Variants in TAF3 observed in about 807,000 individuals in gnomAD.
The protein encoded by TAF3 is transcription initiation factor TFIID subunit 3.
Under a neutral mutation model 80.6 loss-of-function variants are expected in TAF3, and 7 were observed. That is an observed-to-expected ratio of 0.09 (90% CI 0.05 to 0.16). The LOEUF (loss-of-function observed/expected upper bound fraction) is 0.16, where lower values mean the gene tolerates loss of function less well. Ranked by LOEUF, TAF3 falls within the 10% of genes least tolerant of loss-of-function variation. The pLI is 1.00. For synonymous variants in TAF3, 444 were observed against 446.1 expected (o/e 1.00, Z 0.06); for missense variants, 921 against 1,140.2 (o/e 0.81, Z 2.77).
At chr10:7,860,930 C>T (rs1837139216) in intron 2 of TAF3, among the ~76,000 whole-genome samples, 1 of 151,492 alleles carries the variant, frequency 6.6e-6, no homozygotes, top group African/African-American at 2.4e-5. Flanking sequence ...TTCTGAGTAG[C>T]TGGGATTACA....
chr10:7,922,560 A>G (rs1287257477), intron 2 of TAF3, among the ~76,000 whole-genome samples: 1 of 152,104 alleles, frequency 6.6e-6, no homozygotes, highest in East Asian at 1.9e-4. Flanking sequence ...AAGTAACACT[A>G]TTTGAATAAA....
At chr10:7,889,467 G>C (rs987176867) in intron 2 of TAF3, among the ~76,000 whole-genome samples, 1 of 152,180 alleles carries the variant, frequency 6.6e-6, no homozygotes, top group Non-Finnish European at 1.5e-5. Context: ...GCAGAAAGAA[G>C]GTAAATAATT....
intron 2 of TAF3, among the ~76,000 whole-genome samples, chr10:7,879,991 C>T (rs913433010): frequency 9.2e-5 from 14 of 152,150 alleles, no homozygotes; most frequent in African/African-American, 3.1e-4. Context: ...AAGAGGAGCA[C>T]TTGAGCCCAG....
At chr10:7,888,929 G>T (rs1837434934) in intron 2 of TAF3, among the ~76,000 whole-genome samples, 1 of 152,158 alleles carries the variant, frequency 6.6e-6, no homozygotes. Flanking sequence ...GGTGTATATT[G>T]TGTCTTGAGA....
chr10:7,943,656 T>G (rs951310121), intron 2 of TAF3, among the ~76,000 whole-genome samples: 3 of 152,248 alleles, frequency 2.0e-5, no homozygotes. Flanking sequence ...AGGTGCTCAG[T>G]ACACATTAAA....
At chr10:8,008,570 G>A (rs531919605) in intron 4 of TAF3, among the ~76,000 whole-genome samples, 1 of 152,306 alleles carries the variant, frequency 6.6e-6, no homozygotes, top group South Asian at 2.1e-4. Context: ...CTTAGGCCAG[G>A]TTAGGTTTAT....
chr10:7,929,148 T>C (rs547685223), intron 2 of TAF3, among the ~76,000 whole-genome samples: 64 of 152,288 alleles, frequency 4.2e-4, no homozygotes, highest in African/African-American at 1.5e-3. Context: ...TAGAAAATGT[T>C]TTATACAAAG....
chr10:7,902,460 G>C (rs1200433256), intron 2 of TAF3, among the ~76,000 whole-genome samples: 1 of 152,036 alleles, frequency 6.6e-6, no homozygotes, highest in Non-Finnish European at 1.5e-5. Flanking sequence ...TTTCTTAGGA[G>C]ATGTTATTAA....
chr10:7,835,027 C>G (rs1464768467), intron 2 of TAF3, among the ~76,000 whole-genome samples: 1 of 152,066 alleles, frequency 6.6e-6, no homozygotes, highest in Non-Finnish European at 1.5e-5. Context: ...TTCTCTCGTA[C>G]TTTCATTGTC....
chr10:7,854,889 A>G (rs552350267), intron 2 of TAF3, among the ~76,000 whole-genome samples: 25 of 152,226 alleles, frequency 1.6e-4, no homozygotes, highest in Non-Finnish European at 2.5e-4. Context: ...AGAATGAGAC[A>G]GCAAAAGTGG....
At chr10:7,941,178 C>G (rs1837972555) in intron 2 of TAF3, among the ~76,000 whole-genome samples, 2 of 152,162 alleles carry the variant, frequency 1.3e-5, no homozygotes. Flanking sequence ...AGCTGTCTTT[C>G]AGGAGGATTA....
At chr10:7,844,504 G>T (rs545373623) in intron 2 of TAF3, among the ~76,000 whole-genome samples, 1 of 151,894 alleles carries the variant, frequency 6.6e-6, no homozygotes, top group South Asian at 2.1e-4. Flanking sequence ...AGCCTCCTGA[G>T]TAGTTGGGAT....
In TAF3 at chr10:7,824,244, C is replaced by T. The variant is rs1244470; in HGVS notation, c.167-74C>T. The T allele has an allele frequency of 5.7e-3, 8,599 of 1,515,768 alleles. 98 individuals are homozygous for T. Among genetic ancestry groups the T allele is most frequent in the African/African-American group, 0.051 (3,666 of 71,290 alleles). The allele number at this position is 1,515,768 out of a possible 1,614,324, so 93.9% of individuals were successfully genotyped here. A position where few individuals can be genotyped will look rare whatever the true frequency, so the allele number is the denominator to read the frequency against. ...TTCTGAGCTGCATATTTACTTACTA[C>T]TTTTTCTTAATATTTAAAAATATAT... On this transcript the variant is annotated intron_variant, in intron 1 of 6. Coordinates refer to ENST00000344293, the MANE Select transcript of TAF3 (RefSeq NM_031923.4).
At chr10:7,870,711 C>T (rs1030885621) in intron 2 of TAF3, among the ~76,000 whole-genome samples, 3 of 152,078 alleles carry the variant, frequency 2.0e-5, no homozygotes, top group African/African-American at 7.2e-5. Flanking sequence ...CACTTCTTCT[C>T]TAAGTCCTTT....
At chr10:7,851,861 T>C (rs1000806271) in intron 2 of TAF3, among the ~76,000 whole-genome samples, 1 of 152,098 alleles carries the variant, frequency 6.6e-6, no homozygotes, top group East Asian at 1.9e-4. Flanking sequence ...CCTGGCTTGC[T>C]GCAGCCTCAA....
rs145354439 is a variant in TAF3 at position 7,979,734 on chromosome 10, C to T, written c.2315+2411C>T. ...GATTACATTTTAAATTAAAATAGAGCGAGAAAGAAAGAGGACTAAATCTAA... is the reference window on the plus strand; with the variant it reads ...GATTACATTTTAAATTAAAATAGAGTGAGAAAGAAAGAGGACTAAATCTAA... On this transcript the variant is annotated intron_variant, in intron 4 of 6. Coordinates refer to ENST00000344293, the MANE Select transcript of TAF3 (RefSeq NM_031923.4). Among the ~76,000 whole-genome samples the T allele has an allele frequency of 4.2e-3, 607 of 143,702 alleles. 7 individuals are homozygous for T. The highest frequency in any genetic ancestry group is 0.015 in the African/African-American group (564 of 38,392). The allele number at this position is 143,702 out of a possible 152,430, so 94.3% of individuals were successfully genotyped here. A position where few individuals can be genotyped will look rare whatever the true frequency, so the allele number is the denominator to read the frequency against.
intron 2 of TAF3, among the ~76,000 whole-genome samples, chr10:7,934,337 T>C (rs1012392716): frequency 6.6e-6 from 1 of 152,176 alleles, no homozygotes; most frequent in Non-Finnish European, 1.5e-5. Context: ...GTAAAATAAG[T>C]GTGTCTTATA....
intron 2 of TAF3, among the ~76,000 whole-genome samples, chr10:7,867,301 A>G (rs1442306562): frequency 2.0e-5 from 3 of 152,148 alleles, no homozygotes; most frequent in East Asian, 1.9e-4. Context: ...CACCAAAAAA[A>G]GATGTGATTT....
rs1036745860 is a variant in TAF3 at position 8,007,552 on chromosome 10, G to C, written c.2316-1526G>C. On this transcript the variant is annotated intron_variant, in intron 4 of 6. Transcript: ENST00000344293. Reference sequence around the variant, plus strand: ...AACTGTCTGTTATATTGTTTTCTCTGTGTGTGAAATTATATATATATATAT... The same window carrying C: ...AACTGTCTGTTATATTGTTTTCTCTCTGTGTGAAATTATATATATATATAT... 9.9e-5 allele frequency among the ~76,000 whole-genome samples: 12 copies of C among 121,638 alleles called. No homozygotes were observed. In the East Asian group the frequency reaches 2.9e-3, roughly 29 times the overall value. 79.8% of individuals were successfully genotyped at this position (121,638 alleles called of 152,430 possible).
Sources: allele counts gnomAD v4.1 joint callset (sites outside exome capture counted in the v4.1 genomes callset), GRCh38; gene constraint gnomAD v4.1.1; transcripts MANE v1.5; gene names NCBI Gene and HGNC (gene_info 2026-07-23, HGNC 2026-07-21).